LMTK2: variants seen among roughly 807,000 people sequenced by gnomAD.
The protein encoded by LMTK2 is serine/threonine-protein kinase LMTK2.
LMTK2 carries 37 observed loss-of-function variants against 127.5 expected under a neutral mutation model. That is an observed-to-expected ratio of 0.29 (90% confidence interval 0.22 to 0.38). The LOEUF (loss-of-function observed/expected upper bound fraction) is 0.38. Among genes scored for constraint, LMTK2 ranks in the 10% least tolerant of loss-of-function variants. The probability of loss-of-function intolerance (pLI) is 1.00; values close to 1 mark genes in which losing one functional copy is unlikely to be tolerated. For synonymous variants in LMTK2, 819 were observed against 810.1 expected (o/e 1.01, Z -0.19); for missense variants, 1,694 against 1,920.3 (o/e 0.88, Z 2.20).
chr7:98,196,053 G>A (rs946868446), intron 11 of LMTK2, among the ~76,000 whole-genome samples: 4 of 152,040 alleles, frequency 2.6e-5, no homozygotes, highest in Admixed American at 6.6e-5. Context: ...AGCCAGTCAC[G>A]GTAGGCAAGA....
At chr7:98,150,307 CAAAA>C (rs35422809) in intron 3 of LMTK2, among the ~76,000 whole-genome samples, 1 of 116,996 alleles carries the variant, frequency 8.5e-6, no homozygotes. Flanking sequence ...GACCCTGTCT[CAAAA>C]AAAAAAAAAA....
chr7:98,143,675 G>A (rs1796729581), intron 3 of LMTK2, among the ~76,000 whole-genome samples: 1 of 152,212 alleles, frequency 6.6e-6, no homozygotes, highest in Non-Finnish European at 1.5e-5. Context: ...ACTAGGATTA[G>A]TGCAGCTATA....
chr7:98,143,996 A>G (rs899757234), intron 3 of LMTK2, among the ~76,000 whole-genome samples: 3 of 152,242 alleles, frequency 2.0e-5, no homozygotes, highest in African/African-American at 7.2e-5. Flanking sequence ...TTTGTGATAT[A>G]GTACATGAAA....
At chr7:98,166,696 A>G (rs1171794014) in intron 6 of LMTK2, among the ~76,000 whole-genome samples, 1 of 152,226 alleles carries the variant, frequency 6.6e-6, no homozygotes, top group Non-Finnish European at 1.5e-5. Context: ...TTTTCAGTGC[A>G]GTAACATGCT....
intron 3 of LMTK2, among the ~76,000 whole-genome samples, chr7:98,144,364 C>T (rs1040908263): frequency 3.8e-4 from 57 of 150,858 alleles, no homozygotes; most frequent in African/African-American, 1.3e-3. Context: ...ACCCGGGAGG[C>T]GGAGCTTGCA....
rs1376393371 is a variant in LMTK2 at position 98,194,195 on chromosome 7, G to T, written c.3730G>T (p.Asp1244Tyr). 6.2e-7 allele frequency: 1 copy of T among 1,613,974 alleles called. No individual in the cohort carries two copies. Among genetic ancestry groups the T allele is most frequent in the Non-Finnish European group, 8.5e-7 (1 of 1,180,006 alleles). ...CCTTGCCTACACCAATTCTGCGCTG[G>T]ACAAGTCCCTGTCCAGCCACTCCGA... ...ELLAYTNSAL[D>Y]KSLSSHSEGP... Residue 1244 changes from aspartate to tyrosine, a missense_variant, in exon 11 of 14, where the codon GAC becomes TAC. By Grantham distance (160) the Asp-to-Tyr change is radical. Coordinates refer to ENST00000297293, the MANE Select transcript of LMTK2 (RefSeq NM_014916.4). This position sits in a 1 kb window ranked among gnomAD's most constrained non-coding sequence, Gnocchi z 5.4.
chr7:98,189,312 G>A (rs929800909), intron 9 of LMTK2, among the ~76,000 whole-genome samples: 4 of 152,132 alleles, frequency 2.6e-5, no homozygotes, highest in South Asian at 2.1e-4. Context: ...GAGGCCAGGC[G>A]TTTCCTTCCG....
chr7:98,120,805 C>T (rs1186760617), intron 1 of LMTK2, among the ~76,000 whole-genome samples: 1 of 152,090 alleles, frequency 6.6e-6, no homozygotes, highest in Non-Finnish European at 1.5e-5. Context: ...AATGCAACAC[C>T]CTGACACTGA....
chr7:98,169,424 G>A (rs562558279), intron 6 of LMTK2, among the ~76,000 whole-genome samples: 1 of 152,330 alleles, frequency 6.6e-6, no homozygotes, highest in East Asian at 1.9e-4. Flanking sequence ...CGCCCGCTCT[G>A]CGCTTCCTCT....
intron 6 of LMTK2, among the ~76,000 whole-genome samples, chr7:98,165,074 G>A (rs1422545561): frequency 1.3e-5 from 2 of 152,218 alleles, no homozygotes; most frequent in Non-Finnish European, 2.9e-5. Context: ...ACAGTAGTGC[G>A]TTGCTCTGTG....
chr7:98,110,229 C>G (rs1039575643), intron 1 of LMTK2, among the ~76,000 whole-genome samples: 4 of 152,150 alleles, frequency 2.6e-5, no homozygotes, highest in Non-Finnish European at 4.4e-5. Flanking sequence ...AGATTCATTG[C>G]TAGACTCAGA....
At chr7:98,188,192 C>T (rs772055179) in intron 9 of LMTK2, among the ~76,000 whole-genome samples, 2 of 152,144 alleles carry the variant, frequency 1.3e-5, no homozygotes, top group African/African-American at 2.4e-5. Flanking sequence ...CACTCTTCTA[C>T]TCTCTACTTC....
In LMTK2 at chr7:98,194,437, C is replaced by A. The variant is rs780387032; in HGVS notation, c.3972C>A (p.Asn1324Lys). The change falls in exon 11 of 14, where the codon AAC (asparagine) becomes AAA (lysine). Residue 1324 changes from asparagine (N) to lysine (K), a missense_variant. Asn to Lys is a moderately conservative substitution (Grantham distance 94). This residue lies in a region of LMTK2 where 554 missense variants were observed against 567.7 expected (regional missense o/e 0.98). Coordinates refer to ENST00000297293, the MANE Select transcript of LMTK2 (RefSeq NM_014916.4). The surrounding 1 kb of genome is among the most constrained non-coding windows in gnomAD (Gnocchi z 5.4). The part of the protein sequence containing the change: ...TEHPVPIILS[N>K]EDGRHLRSLL... ...ACCCCGTGCCCATCATCCTCAGCAA[C>A]GAGGACGGAAGGCACCTGCGGAGTC... 7 of 1,614,134 alleles carry A rather than the reference C, an allele frequency of 4.3e-6. No individual in the cohort carries two copies. In the South Asian group the frequency reaches 7.7e-5, roughly 18 times the overall value.
intron 3 of LMTK2, among the ~76,000 whole-genome samples, chr7:98,149,710 TTAGA>T (rs1209307040): frequency 2.6e-5 from 4 of 152,318 alleles, no homozygotes; most frequent in African/African-American, 9.6e-5. Context: ...CAAAGATTTA[TTAGA>T]TAGGACACTA....
rs760194911 is a variant in LMTK2, at chr7:98,192,052, C to A, written c.1587C>A (p.Val529=). The A allele has an allele frequency of 1.5e-5, 24 of 1,600,366 alleles. No homozygotes were observed. The highest frequency in any genetic ancestry group is 8.5e-7 in the Non-Finnish European group (1 of 1,171,150). Residue 529 remains valine, a synonymous_variant, in exon 11 of 14, where the codon GTC becomes GTA. Transcript: ENST00000297293. ...PGKQDDSGQD[V]PLRVPGVVPV... Reference sequence around the variant, plus strand: ...AGCAAGATGACAGCGGCCAGGATGTCCCCCTGAGGGTCCCTGGAGTGGTTC... The same window carrying A: ...AGCAAGATGACAGCGGCCAGGATGTACCCCTGAGGGTCCCTGGAGTGGTTC...
intron 3 of LMTK2, among the ~76,000 whole-genome samples, chr7:98,146,989 C>T (rs1796783610): frequency 6.6e-6 from 1 of 152,200 alleles, no homozygotes; most frequent in African/African-American, 2.4e-5. Context: ...TTAATTTCTA[C>T]TTCATTTTTA....
intron 7 of LMTK2, among the ~76,000 whole-genome samples, chr7:98,179,255 A>G (rs752486053): frequency 6.6e-6 from 1 of 152,244 alleles, no homozygotes; most frequent in Non-Finnish European, 1.5e-5. Flanking sequence ...GGACTGGGAC[A>G]GTCATCCTGC....
At chr7:98,143,413 G>A (rs539890759) in intron 3 of LMTK2, among the ~76,000 whole-genome samples, 135 of 152,250 alleles carry the variant, frequency 8.9e-4, no homozygotes, top group African/African-American at 2.8e-3. Flanking sequence ...AAAAATATTT[G>A]TGAACTACAA....
At chr7:98,126,714 C>G (rs1016795951) in intron 1 of LMTK2, 7 of 152,210 alleles carry the variant, frequency 4.6e-5, no homozygotes, top group Non-Finnish European at 7.3e-5. Context: ...GTGGAATAGT[C>G]TGAGAGAAAC....
Sources: gnomAD v4.1 joint callset for allele counts (sites outside exome capture counted in the v4.1 genomes callset) on GRCh38, gnomAD v4.1.1 for gene constraint, gnomAD v4.1.1 regional missense constraint, Gnocchi (gnomAD v3.1) non-coding constraint, MANE v1.5 for transcripts, NCBI Gene and HGNC (gene_info 2026-07-23, HGNC 2026-07-21) for gene names.